The following ANO4 variants were observed in gnomAD, a reference collection of about 807,000 sequenced individuals.
ANO4 encodes the protein anoctamin 4.
In ANO4, 69 loss-of-function variants were observed where a neutral mutation model predicts 141.9. That is an observed-to-expected ratio of 0.49 (90% CI 0.40 to 0.59). The LOEUF is 0.59. ANO4 is among the 20% of genes least tolerant of loss of function. ANO4 has a pLI of 0.00. For synonymous variants in ANO4, 350 were observed against 394.3 expected, an observed-to-expected ratio of 0.89 and a Z score of 1.33; for missense variants, 894 against 1,162.2, an observed-to-expected ratio of 0.77 and a Z score of 3.36.
At chr12:101,009,805 T>G (rs2046010496) in intron 8 of ANO4, among the ~76,000 whole-genome samples, 2 of 152,182 alleles carry the variant, frequency 1.3e-5, no homozygotes, top group South Asian at 4.1e-4. Flanking sequence ...ATGTTTTAGC[T>G]GATTTATTCC....
chr12:100,827,574 A>G (rs1037543832), intron 1 of ANO4, among the ~76,000 whole-genome samples: 2 of 151,964 alleles, frequency 1.3e-5, no homozygotes, highest in African/African-American at 4.8e-5. Context: ...AGCTCAATAA[A>G]TATCTGTCAG....
intron 3 of ANO4, among the ~76,000 whole-genome samples, chr12:100,783,087 C>T (rs2033759802): frequency 6.6e-6 from 1 of 152,122 alleles, no homozygotes; most frequent in Admixed American, 6.5e-5. Flanking sequence ...TTCTATCTAC[C>T]CAACAACTGT....
At position 101,127,080 on chromosome 12, in the gene ANO4, T is replaced by G. The variant is rs2051350281; in HGVS notation, c.*4+6T>G. 1 of 1,609,336 alleles carries G rather than the reference T, an allele frequency of 6.2e-7. No homozygotes were observed. Among genetic ancestry groups the G allele is most frequent in the African/African-American group, 1.3e-5 (1 of 74,766 alleles). ...CAACGAGTGGCCGTGACCATGTAGGTGAGAGGTGTGCTCAGCGTCTGAGGC... is the reference window on the plus strand; with the variant it reads ...CAACGAGTGGCCGTGACCATGTAGGGGAGAGGTGTGCTCAGCGTCTGAGGC... On this transcript the variant is annotated splice_donor_region_variant and intron_variant, in intron 27 of 27. Transcript: ENST00000392977.
chr12:100,806,088 G>C (rs1291804498), intron 1 of ANO4, among the ~76,000 whole-genome samples: 1 of 152,198 alleles, frequency 6.6e-6, no homozygotes, highest in Non-Finnish European at 1.5e-5. Flanking sequence ...ACAGCTTGCA[G>C]TTTCCTGGAG....
intron 24 of ANO4, among the ~76,000 whole-genome samples, chr12:101,111,995 A>G (rs1444156407): frequency 6.6e-6 from 1 of 152,126 alleles, no homozygotes; most frequent in Non-Finnish European, 1.5e-5. Context: ...CCCACCCCTG[A>G]CCTCTGCCCA....
rs190490494 is a variant in ANO4 at position 101,090,767 on chromosome 12, C to A, written c.1702-3489C>A. On this transcript the variant is annotated intron_variant, in intron 17 of 27. Transcript: ENST00000392977. ...TAAAAAAAAAGAAAGAAAGAAATGC[C>A]TATGTACAGGAAGTGAATCTGTAAA... Among the ~76,000 whole-genome samples, 273 of 152,092 alleles carry A rather than the reference C, an allele frequency of 1.8e-3. 1 individual carries two copies. The highest frequency in any genetic ancestry group is 3.0e-3 in the Non-Finnish European group (207 of 67,976).
intron 1 of ANO4, among the ~76,000 whole-genome samples, chr12:100,901,061 T>C (rs2040571474): frequency 1.3e-5 from 2 of 152,226 alleles, no homozygotes; most frequent in South Asian, 4.1e-4. Flanking sequence ...GTCTGGAATT[T>C]GCTTTAAATA....
At chr12:101,069,703 T>G (rs563462504) in intron 14 of ANO4, among the ~76,000 whole-genome samples, 7 of 152,312 alleles carry the variant, frequency 4.6e-5, no homozygotes, top group South Asian at 2.1e-4. Flanking sequence ...GTTACTCCCC[T>G]GGTAGTCATC....
Position 101,018,379 on chromosome 12 carries a change from C to T in ANO4, c.735-1655C>T, listed in dbSNP as rs369062606. 2.1e-4 allele frequency among the ~76,000 whole-genome samples: 32 copies of T among 152,326 alleles called. No individual in the cohort carries two copies. The South Asian group carries it at 6.0e-3, about 29-fold the overall frequency. On this transcript the variant is annotated intron_variant, in intron 8 of 27. Transcript: ENST00000392977. ...ATCCACCAACTCAAATTACCTTTCT[C>T]CAAGAGCGGTATTCAGTAAGAGAAT...
chr12:100,982,270 T>A (rs182178026), intron 7 of ANO4, among the ~76,000 whole-genome samples: 68 of 152,336 alleles, frequency 4.5e-4, no homozygotes, highest in African/African-American at 1.6e-3. Flanking sequence ...CCAAAATCAA[T>A]GCTAAATCAT....
chr12:101,071,620 A>G (rs948835130), intron 14 of ANO4, among the ~76,000 whole-genome samples: 5 of 152,194 alleles, frequency 3.3e-5, no homozygotes, highest in Non-Finnish European at 7.4e-5. Context: ...AATAAGACGT[A>G]GTACTTGACA....
intron 5 of ANO4, among the ~76,000 whole-genome samples, chr12:100,952,703 A>G (rs2673661): frequency 0.55 from 84,283 of 151,992 alleles, 24,631 homozygotes; most frequent in Middle Eastern, 0.69. Context: ...CAAATTGATG[A>G]TGGTTTGAGA....
intron 1 of ANO4, among the ~76,000 whole-genome samples, chr12:100,843,523 G>A (rs979799460): frequency 1.3e-5 from 2 of 152,138 alleles, no homozygotes; most frequent in African/African-American, 4.8e-5. Context: ...TCATCAAGAT[G>A]TTCAACAGAA....
At chr12:100,971,171 A>G in intron 5 of ANO4, 135 bp from the exon 6 acceptor site, 1 of 490,556 alleles carries the variant, frequency 2.0e-6, no homozygotes, top group Non-Finnish European at 3.6e-6. Flanking sequence ...TGCACTTGTA[A>G]GGGTCTGGCC....
At chr12:100,771,577 C>A (rs1387471457) in intron 3 of ANO4, among the ~76,000 whole-genome samples, 1 of 152,052 alleles carries the variant, frequency 6.6e-6, no homozygotes, top group Non-Finnish European at 1.5e-5. Context: ...GCTGATGGAA[C>A]CCTGAATAAA....
chr12:100,819,697 G>A (rs1012713251), intron 1 of ANO4, among the ~76,000 whole-genome samples: 3 of 151,934 alleles, frequency 2.0e-5, no homozygotes, highest in African/African-American at 7.2e-5. Flanking sequence ...GGTTTCAAAA[G>A]TAACAGCATA....
intron 22 of ANO4, among the ~76,000 whole-genome samples, chr12:101,101,761 G>A (rs1298040252): frequency 1.3e-5 from 2 of 151,984 alleles, no homozygotes; most frequent in African/African-American, 4.8e-5. Context: ...TTGTGAGTTT[G>A]CAGATCTTCT....
chr12:100,828,969 G>A (rs1339305246), intron 1 of ANO4, among the ~76,000 whole-genome samples: 2 of 151,630 alleles, frequency 1.3e-5, no homozygotes, highest in Admixed American at 6.6e-5. Flanking sequence ...GCAGTGAGTC[G>A]AGATTGTGCC....
intron 1 of ANO4, among the ~76,000 whole-genome samples, chr12:100,727,617 A>C (rs965261490): frequency 6.6e-6 from 1 of 152,142 alleles, no homozygotes; most frequent in Non-Finnish European, 1.5e-5. Context: ...TTGTTTTTAG[A>C]AATCCATCTC....
Sources: gnomAD v4.1 joint callset for allele counts (sites outside exome capture counted in the v4.1 genomes callset) on GRCh38, gnomAD v4.1.1 for gene constraint, MANE v1.5 for transcripts, NCBI Gene and HGNC (gene_info 2026-07-23, HGNC 2026-07-21) for gene names.